IGFL2: variants seen among roughly 807,000 people sequenced by gnomAD.
IGFL2 encodes IGF like family member 2, also known as insulin growth factor-like family member 2.
Under a neutral mutation model 13.9 loss-of-function variants are expected in IGFL2, and 7 were observed. The observed-to-expected ratio is 0.51, with a 90% CI of 0.29 to 0.95. IGFL2 has a LOEUF of 0.95. Among genes scored for constraint, IGFL2 ranks in the 40% least tolerant of loss-of-function variants. IGFL2 has a pLI of 0.08. For missense variants in IGFL2, 138 were observed against 147.8 expected (o/e 0.93, Z 0.34); for synonymous variants, 55 against 55.8 (o/e 0.99, Z 0.07).
chr19:46,107,994 A>G, the IGFL2 span, among the ~76,000 whole-genome samples: 107 of 152,312 alleles, frequency 7.0e-4, no homozygotes, highest in African/African-American at 2.4e-3. Context: ...TTGAGAGGAA[A>G]TTGTTGGGCA....
chr19:46,097,157 G>A, the IGFL2 span, among the ~76,000 whole-genome samples: 2 of 152,132 alleles, frequency 1.3e-5, no homozygotes, highest in South Asian at 2.1e-4. Context: ...GGCTTTTTTT[G>A]GTTGGTAGAC....
At chr19:46,185,324 C>G in the IGFL2 span, among the ~76,000 whole-genome samples, 1,243 of 152,340 alleles carry the variant, frequency 8.2e-3, 18 homozygotes, top group African/African-American at 0.027. Context: ...GTCTACTACC[C>G]TTCCTTAGGG....
intron 3 of IGFL2, 24 bp downstream of exon 3, chr19:46,160,905 G>A: frequency 6.2e-7 from 1 of 1,611,218 alleles, no homozygotes; most frequent in East Asian, 2.2e-5. Context: ...CCCTGGCCAG[G>A]GGGTCGGGGG....
chr19:46,168,188 G>A, the IGFL2 span, among the ~76,000 whole-genome samples: 2 of 152,042 alleles, frequency 1.3e-5, no homozygotes, highest in African/African-American at 4.8e-5. Flanking sequence ...TCTTGCCTGG[G>A]CCTCCCAAAG....
At chr19:46,182,824 T>G in the IGFL2 span, among the ~76,000 whole-genome samples, 2,127 of 152,144 alleles carry the variant, frequency 0.014, 56 homozygotes, top group African/African-American at 0.049. Flanking sequence ...CTCCCTACAC[T>G]CCTGCCCTCT....
chr19:46,096,825 T>C, the IGFL2 span, among the ~76,000 whole-genome samples: 1 of 152,246 alleles, frequency 6.6e-6, no homozygotes, highest in African/African-American at 2.4e-5. Context: ...TTACATTTAC[T>C]GATTTGCATA....
the IGFL2 span, chr19:46,137,664 C>T: frequency 1.6e-6 from 1 of 613,424 alleles, no homozygotes; most frequent in Non-Finnish European, 2.9e-6. Context: ...ACCTATGCGG[C>T]CAGTGTGGCC....
At chr19:46,207,304 C>T in the IGFL2 span, 1 of 152,142 alleles carries the variant, frequency 6.6e-6, no homozygotes, top group Non-Finnish European at 1.5e-5. Context: ...CTGAAAGTTT[C>T]TACCCTCTAA....
chr19:46,188,132 A>C, the IGFL2 span, among the ~76,000 whole-genome samples: 1 of 152,158 alleles, frequency 6.6e-6, no homozygotes, highest in East Asian at 1.9e-4. Flanking sequence ...TTCTTGAATA[A>C]TTTATGAGAG....
chr19:46,194,700 C>G, the IGFL2 span, among the ~76,000 whole-genome samples: 1 of 151,534 alleles, frequency 6.6e-6, no homozygotes, highest in South Asian at 2.1e-4. Context: ...CGGGCACCTG[C>G]AATCCCAGCT....
chr19:46,193,648 G>T, the IGFL2 span, among the ~76,000 whole-genome samples: 1 of 152,142 alleles, frequency 6.6e-6, no homozygotes, highest in African/African-American at 2.4e-5. Context: ...CTGAAATTGA[G>T]CAGGAAGAAA....
At chr19:46,188,678 T>C in the IGFL2 span, among the ~76,000 whole-genome samples, 1 of 152,172 alleles carries the variant, frequency 6.6e-6, no homozygotes, top group Admixed American at 6.5e-5. Flanking sequence ...TGGGGACCCA[T>C]ACCCAGCTGG....
the IGFL2 span, among the ~76,000 whole-genome samples, chr19:46,175,843 ATT>A: frequency 0.019 from 2,226 of 119,930 alleles, 47 homozygotes; most frequent in African/African-American, 0.049. Context: ...GCCTGGCACT[ATT>A]TTTTTTTTTT....
the IGFL2 span, among the ~76,000 whole-genome samples, chr19:46,099,523 T>G: frequency 2.6e-5 from 4 of 151,682 alleles, no homozygotes; most frequent in Non-Finnish European, 5.9e-5. Context: ...TTTGCTCTTT[T>G]TCTTTCTTTC....
At chr19:46,082,826 G>T in the IGFL2 span, among the ~76,000 whole-genome samples, 3 of 152,122 alleles carry the variant, frequency 2.0e-5, no homozygotes, top group Admixed American at 2.0e-4. Flanking sequence ...AGTCATATGG[G>T]TAGCTCTCCT....
the IGFL2 span, among the ~76,000 whole-genome samples, chr19:46,178,135 G>C: frequency 4.6e-5 from 7 of 152,022 alleles, no homozygotes; most frequent in African/African-American, 1.4e-4. Context: ...AAATTAGTCG[G>C]GCATGGTGGC....
chr19:46,200,541 G>A, the IGFL2 span, among the ~76,000 whole-genome samples: 1 of 86,216 alleles, frequency 1.2e-5, no homozygotes, highest in Non-Finnish European at 2.7e-5. Flanking sequence ...TTTCGTTCAG[G>A]GTCTCACTCT....
At chr19:46,097,498 T>C in the IGFL2 span, among the ~76,000 whole-genome samples, 1 of 152,100 alleles carries the variant, frequency 6.6e-6, no homozygotes, top group Admixed American at 6.5e-5. Context: ...GAGTTTTTTG[T>C]GTCTCTATCT....
intron 1 of IGFL2, chr19:46,149,181 T>TC (rs1973320563): frequency 3.7e-6 from 2 of 540,134 alleles, no homozygotes; most frequent in Non-Finnish European, 6.8e-6. Context: ...CTCTCTTCTC[T>TC]CTCTCTTTCT....
Sources: allele counts gnomAD v4.1 joint callset (sites outside exome capture counted in the v4.1 genomes callset), GRCh38; gene constraint gnomAD v4.1.1; transcripts MANE v1.5; gene names NCBI Gene and HGNC (gene_info 2026-07-23, HGNC 2026-07-21).